The following ADRA1B variants were observed in gnomAD, a reference collection of about 807,000 sequenced individuals.
ADRA1B encodes adrenoceptor alpha 1B, also known as alpha-1B adrenergic receptor.
A neutral mutation model predicts 17.9 loss-of-function variants in ADRA1B; 17 were observed. That is an observed-to-expected ratio of 0.95 (90% CI 0.65 to 1.42). ADRA1B has a LOEUF of 1.42. Among genes scored for constraint, ADRA1B ranks in the 40% most tolerant of loss-of-function variants. The probability of loss-of-function intolerance (pLI) is 0.00; values close to 1 mark genes in which losing one functional copy is unlikely to be tolerated. For missense variants in ADRA1B, 681 were observed against 722.1 expected (o/e 0.94, Z 0.65); for synonymous variants, 366 against 327.6 (o/e 1.12, Z -1.27).
chr5:159,918,210 G>A (rs978052723), intron 1 of ADRA1B, among the ~76,000 whole-genome samples: 1 of 152,198 alleles, frequency 6.6e-6, no homozygotes, highest in Non-Finnish European at 1.5e-5. Flanking sequence ...GTCGGCTAAG[G>A]CAGCGTCACT....
the ADRA1B span, among the ~76,000 whole-genome samples, chr5:159,987,195 A>G: frequency 1.6e-4 from 25 of 152,226 alleles, 1 homozygote; most frequent in Non-Finnish European, 4.4e-5. Flanking sequence ...AATCACGCGT[A>G]GAGGTTTCAG....
chr5:159,903,034 C>T (rs1313407827), intron 1 of ADRA1B, among the ~76,000 whole-genome samples: 1 of 152,186 alleles, frequency 6.6e-6, no homozygotes, highest in Non-Finnish European at 1.5e-5. Flanking sequence ...ACCTAGGGAA[C>T]TCTGGGGCAC....
chr5:159,879,733 C>T (rs150825609), intron 1 of ADRA1B, among the ~76,000 whole-genome samples: 13 of 152,274 alleles, frequency 8.5e-5, no homozygotes, highest in African/African-American at 3.1e-4. Flanking sequence ...TAGTGGCTCA[C>T]GCATATAATC....
chr5:159,973,055 C>A (rs1013160193), downstream of ADRA1B, among the ~76,000 whole-genome samples: 6 of 152,192 alleles, frequency 3.9e-5, no homozygotes, highest in East Asian at 7.7e-4. Flanking sequence ...CAGAGCCTTG[C>A]GTTTCCTCTT....
At chr5:159,907,826 G>A (rs1754177760) in intron 1 of ADRA1B, among the ~76,000 whole-genome samples, 1 of 152,182 alleles carries the variant, frequency 6.6e-6, no homozygotes, top group South Asian at 2.1e-4. Context: ...GCAGGAGCTA[G>A]AATTTTATCT....
chr5:159,917,908 C>T, intron 1 of ADRA1B, 54 bp downstream of exon 1: 2 of 1,449,896 alleles, frequency 1.4e-6, no homozygotes, highest in Non-Finnish European at 9.4e-7. Flanking sequence ...CTTGGGTTTA[C>T]TGATGAGCTT....
chr5:159,978,458 T>C, the ADRA1B span, among the ~76,000 whole-genome samples: 1 of 152,194 alleles, frequency 6.6e-6, no homozygotes, highest in East Asian at 1.9e-4. Flanking sequence ...CCATAGTTAG[T>C]GCTCTCCCTT....
chr5:159,937,362 T>A (rs1754984749), intron 1 of ADRA1B, among the ~76,000 whole-genome samples: 1 of 152,052 alleles, frequency 6.6e-6, no homozygotes, highest in Non-Finnish European at 1.5e-5. Flanking sequence ...TTGCCCAGGG[T>A]CATACCTGCA....
intron 1 of ADRA1B, among the ~76,000 whole-genome samples, chr5:159,906,085 C>T (rs1357363585): frequency 1.3e-5 from 2 of 152,154 alleles, no homozygotes; most frequent in African/African-American, 2.4e-5. Context: ...GAACTCCTGA[C>T]CTCAGGTGAT....
intron 1 of ADRA1B, among the ~76,000 whole-genome samples, chr5:159,959,694 T>C (rs1755628865): frequency 6.6e-6 from 1 of 152,182 alleles, no homozygotes; most frequent in East Asian, 1.9e-4. Context: ...TCCTGGCTTC[T>C]AGATACTTGC....
chr5:159,890,546 C>T (rs552712686), intron 1 of ADRA1B, among the ~76,000 whole-genome samples: 61 of 152,300 alleles, frequency 4.0e-4, no homozygotes, highest in African/African-American at 1.2e-3. Flanking sequence ...AATTCAAAGG[C>T]TGAAGGCTGC....
chr5:159,978,426 T>C, the ADRA1B span, among the ~76,000 whole-genome samples: 2 of 152,204 alleles, frequency 1.3e-5, no homozygotes, highest in African/African-American at 4.8e-5. Flanking sequence ...CTGGGACTCA[T>C]TGCCTGGCAA....
At chr5:159,976,484 A>G (rs1339014444), downstream of ADRA1B, among the ~76,000 whole-genome samples, 1 of 152,026 alleles carries the variant, frequency 6.6e-6, no homozygotes, top group Non-Finnish European at 1.5e-5. Context: ...CCTGGCCTAC[A>G]TGTGAAACCC....
intron 1 of ADRA1B, among the ~76,000 whole-genome samples, chr5:159,876,264 T>C (rs1044825282): frequency 1.3e-5 from 2 of 152,350 alleles, no homozygotes; most frequent in Non-Finnish European, 1.5e-5. Context: ...CATGGTTAGA[T>C]TGTGGCTCAA....
chr5:159,918,458 C>T (rs76517652), intron 1 of ADRA1B, among the ~76,000 whole-genome samples: 2,436 of 152,282 alleles, frequency 0.016, 33 homozygotes, highest in Non-Finnish European at 0.024. Context: ...CCACACAGCC[C>T]CAACCAGCCT....
chr5:159,928,439 C>G (rs140946774), intron 1 of ADRA1B, among the ~76,000 whole-genome samples: 9 of 152,160 alleles, frequency 5.9e-5, no homozygotes, highest in Non-Finnish European at 1.2e-4. Flanking sequence ...CTCTCTGGTG[C>G]GAGCACAGGA....
At position 159,927,457 on chromosome 5, in the gene ADRA1B, T is replaced by TATTCTG. The variant is rs201678738; in HGVS notation, c.949+9609_949+9614dup. On this transcript the variant is annotated intron_variant, in intron 1 of 1. Transcript: ENST00000306675. ...AAAAAAATGTAAGGAAGGCCAACAA[T>TATTCTG]ATTCTGATTCTTTCCATGGAGGTAA... Among the ~76,000 whole-genome samples the TATTCTG allele has an allele frequency of 7.3e-5, 11 of 150,456 alleles. No individual in the cohort carries two copies. The East Asian group carries it at 2.2e-3, about 30-fold the overall frequency.
Position 159,972,436 on chromosome 5 carries a change from G to A in ADRA1B, c.1507G>A (p.Ala503Thr), listed in dbSNP as rs1755895255. 5 of 1,500,706 alleles carry A rather than the reference G, an allele frequency of 3.3e-6. No homozygotes were observed. Among genetic ancestry groups the A allele is most frequent in the Non-Finnish European group, 4.4e-6 (5 of 1,130,390 alleles). 93.0% of individuals were successfully genotyped at this position (1,500,706 alleles called of 1,614,324 possible). Reference protein sequence around the residue: ...NGGCEAAADVANGQPGFKSNM... With the variant: ...NGGCEAAADVTNGQPGFKSNM... ...AGGCTGCGAGGCCGCGGCCGACGTG[G>A]CCAACGGGCAGCCGGGCTTCAAAAG... The change falls in exon 2 of 2, where the codon GCC becomes ACC. Residue 503 changes from alanine (A) to threonine (T), a missense_variant. Around this residue, in one of 3 missense-constraint regions of ADRA1B, gnomAD observed 251 missense variants for 224.9 expected, o/e 1.12. Transcript: ENST00000306675.
At chr5:159,880,821 G>C (rs1377695269) in intron 1 of ADRA1B, among the ~76,000 whole-genome samples, 1 of 152,098 alleles carries the variant, frequency 6.6e-6, no homozygotes, top group East Asian at 1.9e-4. Flanking sequence ...TTCCACACTT[G>C]AAATTATTTC....
Sources: allele counts gnomAD v4.1 joint callset (sites outside exome capture counted in the v4.1 genomes callset), GRCh38; gene constraint gnomAD v4.1.1; regional missense constraint gnomAD v4.1.1; transcripts MANE v1.5; gene names NCBI Gene and HGNC (gene_info 2026-07-23, HGNC 2026-07-21).